Variants in ITGA6 observed in about 807,000 individuals in gnomAD.
ITGA6 encodes integrin subunit alpha 6.
ITGA6 carries 63 observed loss-of-function variants against 133.6 expected under a neutral mutation model. The ratio of observed to expected loss-of-function variants is 0.47; its 90% CI spans 0.38 to 0.58. The LOEUF is 0.58. ITGA6 is among the 20% of genes least tolerant of loss of function. ITGA6 has a pLI of 0.00. For synonymous variants in ITGA6, 434 were observed against 482.0 expected (o/e 0.90, Z 1.30); for missense variants, 1,068 against 1,309.4 (o/e 0.82, Z 2.85).
intron 5 of ITGA6, among the ~76,000 whole-genome samples, chr2:172,472,248 T>C (rs1293235097): frequency 6.6e-6 from 1 of 152,208 alleles, no homozygotes; most frequent in Admixed American, 6.5e-5. Flanking sequence ...CATTTGAGCC[T>C]GGGAGGTTGA....
chr2:172,433,701 T>G (rs1559111419), intron 1 of ITGA6, among the ~76,000 whole-genome samples: 1 of 152,212 alleles, frequency 6.6e-6, no homozygotes, highest in Non-Finnish European at 1.5e-5. Context: ...TTTCTCCTTT[T>G]AGGTTTGGTT....
upstream of ITGA6, chr2:172,427,490 C>CCGGGCCG: frequency 9.3e-7 from 1 of 1,080,632 alleles, no homozygotes; most frequent in Non-Finnish European, 1.1e-6. Context: ...GGGCGGTGCG[C>CCGGGCCG]CGGGCCGCGG....
At chr2:172,481,658 G>T (rs1227127008) in intron 11 of ITGA6, among the ~76,000 whole-genome samples, 3 of 152,142 alleles carry the variant, frequency 2.0e-5, no homozygotes, top group Non-Finnish European at 4.4e-5. Context: ...GTCGTCTCCT[G>T]CTGTGTGGTC....
At chr2:172,482,336 A>G (rs887789124) in intron 11 of ITGA6, among the ~76,000 whole-genome samples, 3 of 152,252 alleles carry the variant, frequency 2.0e-5, no homozygotes, top group Admixed American at 2.0e-4. Context: ...ACAAAGCTAC[A>G]TAAGTTAATA....
At position 172,487,437 on chromosome 2, in the gene ITGA6, A is replaced by G. The variant is rs954760714; in HGVS notation, c.2144A>G (p.Glu715Gly). The change falls in exon 15 of 26, where the codon GAA becomes GGA. Residue 715 changes from glutamate to glycine, a missense_variant. Glu to Gly is a moderately conservative substitution (Grantham distance 98). This residue lies in a region of ITGA6 where 609 missense variants were observed against 707.2 expected (regional missense o/e 0.86). Transcript: ENST00000684293. ...PDTLTYSAYRELRAFPEKQLS... is the reference protein window; with the variant it reads ...PDTLTYSAYRGLRAFPEKQLS... ...ACTTTAACCTATTCTGCATATAGAG[A>G]ACTGAGGGCTTTCCCTGTAAGTATT... 6.2e-7 allele frequency: 1 copy of G among 1,613,938 alleles called. No individual in the cohort carries two copies. The highest frequency in any genetic ancestry group is 8.5e-7 in the Non-Finnish European group (1 of 1,179,936).
At chr2:172,458,266 C>T (rs1685294895) in intron 1 of ITGA6, among the ~76,000 whole-genome samples, 2 of 149,228 alleles carry the variant, frequency 1.3e-5, no homozygotes, top group African/African-American at 5.0e-5. Context: ...TTTTTGAGAC[C>T]ATCTTTCTCT....
In ITGA6 at chr2:172,506,328, C is replaced by CAAAG. The variant is rs1687562152; in HGVS notation, c.*2262_*2265dup. ...GTGTCTCATGTAATCTCAGATCAGC[C>CAAAG]AAAGATACTAGTGCCAAAGCAATGG... On this transcript the variant is annotated 3_prime_UTR_variant, in exon 26 of 26. Coordinates refer to ENST00000684293, the MANE Select transcript of ITGA6 (RefSeq NM_000210.4). 6.6e-6 allele frequency: 1 copy of CAAAG among 152,030 alleles called. No homozygotes were observed. Among genetic ancestry groups the CAAAG allele is most frequent in the African/African-American group, 2.4e-5 (1 of 41,382 alleles). The allele number at this position is 152,030 out of a possible 1,614,324, so 9.4% of individuals were successfully genotyped here. A position where few individuals can be genotyped will look rare whatever the true frequency, so the allele number is the denominator to read the frequency against.
intron 19 of ITGA6, among the ~76,000 whole-genome samples, chr2:172,488,797 GGCA>G (rs945700088): frequency 1.3e-5 from 2 of 152,170 alleles, no homozygotes; most frequent in African/African-American, 4.8e-5. Context: ...ACCTGACTCC[GGCA>G]GAATGAAGAG....
chr2:172,503,549 T>C (rs1269439273), intron 25 of ITGA6: 1 of 152,154 alleles, frequency 6.6e-6, no homozygotes, highest in Non-Finnish European at 1.5e-5. Context: ...ACCTCCTGGC[T>C]AATGAGAGAA....
chr2:172,453,889 A>C (rs750718886), intron 1 of ITGA6, among the ~76,000 whole-genome samples: 1 of 152,196 alleles, frequency 6.6e-6, no homozygotes, highest in Admixed American at 6.5e-5. Flanking sequence ...AGGTGATGCA[A>C]CAGTGACAAG....
At chr2:172,454,482 G>C (rs1320419530) in intron 1 of ITGA6, among the ~76,000 whole-genome samples, 1 of 152,094 alleles carries the variant, frequency 6.6e-6, no homozygotes, top group African/African-American at 2.4e-5. Context: ...AGAGTAGAGA[G>C]TGATGGAGAG....
intron 23 of ITGA6, among the ~76,000 whole-genome samples, chr2:172,493,277 CT>C (rs1170165109): frequency 6.6e-5 from 10 of 152,318 alleles, no homozygotes; most frequent in African/African-American, 2.4e-4. Flanking sequence ...TCAACCAGCA[CT>C]GTCCCGGTCT....
chr2:172,492,051 C>T (rs188861820), intron 23 of ITGA6, among the ~76,000 whole-genome samples: 1 of 152,286 alleles, frequency 6.6e-6, no homozygotes, highest in Admixed American at 6.5e-5. Flanking sequence ...CTTCTCAGAG[C>T]TTATGCACCC....
chr2:172,471,139 C>A (rs774255066), intron 5 of ITGA6, 34 bp downstream of exon 5: 1 of 1,613,598 alleles, frequency 6.2e-7, no homozygotes, highest in South Asian at 1.1e-5. Flanking sequence ...CCTTTGCCCA[C>A]CTTCTCAGAT....
intron 1 of ITGA6, among the ~76,000 whole-genome samples, chr2:172,454,762 A>G (rs1311593042): frequency 6.6e-6 from 1 of 152,182 alleles, no homozygotes; most frequent in African/African-American, 2.4e-5. Context: ...AAATCAGGGA[A>G]GTATCCTGGA....
At chr2:172,455,813 A>G (rs956231081) in intron 1 of ITGA6, among the ~76,000 whole-genome samples, 1 of 152,184 alleles carries the variant, frequency 6.6e-6, no homozygotes, top group African/African-American at 2.4e-5. Context: ...AGTTTTTTTT[A>G]TAACTTAAAG....
chr2:172,456,230 A>G (rs1280025558), intron 1 of ITGA6, among the ~76,000 whole-genome samples: 1 of 152,234 alleles, frequency 6.6e-6, no homozygotes, highest in East Asian at 1.9e-4. Flanking sequence ...GACTCTTACA[A>G]GGCCAGTGAG....
rs530504236 is a variant in ITGA6, at chr2:172,445,651, T to TAA, written c.182+17681_182+17682insAA. Among the ~76,000 whole-genome samples the TAA allele has an allele frequency of 6.0e-4, 88 of 145,706 alleles. 1 individual carries two copies. Among genetic ancestry groups the TAA allele is most frequent in the African/African-American group, 2.0e-3 (80 of 40,118 alleles). Reference sequence around the variant, plus strand: ...GCGACAGAGTGAGACTCCGTCTTTTTTAAAAAAAAAAAAAAGAAAAAAAAA... The same window carrying TAA: ...GCGACAGAGTGAGACTCCGTCTTTTTAATAAAAAAAAAAAAAAGAAAAAAAAA... On this transcript the variant is annotated intron_variant, in intron 1 of 25. Coordinates refer to ENST00000684293, the MANE Select transcript of ITGA6 (RefSeq NM_000210.4).
intron 13 of ITGA6, among the ~76,000 whole-genome samples, 181 bp from the exon 14 acceptor site, chr2:172,486,842 A>C (rs541485829): frequency 6.6e-6 from 1 of 152,214 alleles, no homozygotes; most frequent in Admixed American, 6.5e-5. Context: ...TTCTTCAAAC[A>C]CAATTTTACT....
Sources: allele counts gnomAD v4.1 joint callset (sites outside exome capture counted in the v4.1 genomes callset), GRCh38; gene constraint gnomAD v4.1.1; regional missense constraint gnomAD v4.1.1; transcripts MANE v1.5; gene names NCBI Gene and HGNC (gene_info 2026-07-23, HGNC 2026-07-21).